The following PRPF6 variants were observed in gnomAD, a reference collection of about 807,000 sequenced individuals.
PRPF6 encodes the protein pre-mRNA processing factor 6.
PRPF6 carries 42 observed loss-of-function variants against 118.3 expected under a neutral mutation model. That is an observed-to-expected ratio of 0.35 (90% CI 0.28 to 0.46). The LOEUF is 0.46. Ranked by LOEUF, PRPF6 falls within the 20% of genes least tolerant of loss-of-function variation. The pLI is 1.00. For synonymous variants in PRPF6, 481 were observed against 485.1 expected, an observed-to-expected ratio of 0.99 and a Z score of 0.11; for missense variants, 662 against 1,255.7, an observed-to-expected ratio of 0.53 and a Z score of 7.15.
intron 3 of PRPF6, among the ~76,000 whole-genome samples, chr20:63,987,186 A>T (rs1014279837): frequency 6.9e-6 from 1 of 145,230 alleles, no homozygotes; most frequent in African/African-American, 2.5e-5. Context: ...AAAAAAAAAA[A>T]AAAGGGGGGG....
chr20:63,999,167 G>A (rs2059154499), intron 7 of PRPF6, 28 bp downstream of exon 7: 1 of 1,592,184 alleles, frequency 6.3e-7, no homozygotes, highest in African/African-American at 1.3e-5. Context: ...TCGCTGGGCT[G>A]GGATGGAGAC....
At chr20:64,005,459 G>A (rs1465337782) in intron 9 of PRPF6, among the ~76,000 whole-genome samples, 2 of 152,134 alleles carry the variant, frequency 1.3e-5, no homozygotes, top group African/African-American at 2.4e-5. Flanking sequence ...CAACTGGGTC[G>A]TTCTGTGTCT....
intron 8 of PRPF6, among the ~76,000 whole-genome samples, chr20:64,000,229 C>G (rs922993163): frequency 3.9e-5 from 6 of 152,172 alleles, no homozygotes; most frequent in African/African-American, 1.4e-4. Flanking sequence ...TGGCTCACGC[C>G]TGTAATCCCA....
chr20:64,008,943 T>A lies in PRPF6; in HGVS notation c.1187-1257T>A, dbSNP rs80107079. ...AAGTCTCTTCTAGTTTGCTCTTGAA[T>A]TTTTTTTAAGTTTTAGGTATTTTTA... On this transcript the variant is annotated intron_variant, in intron 9 of 20. Transcript: ENST00000266079. Among the ~76,000 whole-genome samples, 4 of 152,116 alleles carry A rather than the reference T, an allele frequency of 2.6e-5. No homozygotes were observed. The South Asian group carries it at 8.3e-4, about 31-fold the overall frequency.
At chr20:64,024,788 G>A (rs2059280875) in intron 14 of PRPF6, 95 bp downstream of exon 14, 10 of 1,519,676 alleles carry the variant, frequency 6.6e-6, no homozygotes, top group Non-Finnish European at 8.0e-6. Flanking sequence ...ATACAATGTG[G>A]CACGTGCTGT....
chr20:64,005,709 G>C (rs2059187207), intron 9 of PRPF6, among the ~76,000 whole-genome samples: 1 of 151,988 alleles, frequency 6.6e-6, no homozygotes, highest in South Asian at 2.1e-4. Context: ...TTGAGTAGCT[G>C]GGACCATAGG....
At chr20:64,010,084 C>A in intron 9 of PRPF6, 116 bp from the exon 10 acceptor site, 1 of 882,880 alleles carries the variant, frequency 1.1e-6, no homozygotes, top group Non-Finnish European at 1.9e-6. Flanking sequence ...GGTGTGTGGT[C>A]CCTGACTGTC....
At chr20:63,989,579 T>TA (rs2059109702) in intron 3 of PRPF6, among the ~76,000 whole-genome samples, 1 of 152,060 alleles carries the variant, frequency 6.6e-6, no homozygotes, top group Non-Finnish European at 1.5e-5. Flanking sequence ...TGCTTTTTTT[T>TA]ATCTTGGCTC....
rs2123019307 is a variant in PRPF6, at chr20:63,999,099, G to T, written c.826G>T (p.Asp276Tyr). 6.2e-7 allele frequency: 1 copy of T among 1,613,958 alleles called. No homozygotes were observed. The highest frequency in any genetic ancestry group is 8.5e-7 in the Non-Finnish European group (1 of 1,179,942). Residue 276 changes from aspartate to tyrosine, a missense_variant, in exon 7 of 21, where the codon GAT becomes TAT. By Grantham distance (160) the Asp-to-Tyr change is radical. Transcript: ENST00000266079. ...TVVDPKGYLT[D>Y]LNSMIPTHGG... is the part of the protein sequence containing the mutation. ...CGTTGACCCCAAAGGCTACCTGACG[G>T]ATTTAAATTCCATGATCCCGACACA... is the stretch of plus-strand genomic sequence containing the variant.
chr20:63,999,534 C>T (rs2059156720), intron 7 of PRPF6, 69 bp from the exon 8 acceptor site: 1 of 1,588,104 alleles, frequency 6.3e-7, no homozygotes, highest in Non-Finnish European at 8.6e-7. Flanking sequence ...AAGTGGGTGC[C>T]CTCATCCCAG....
chr20:64,019,254 C>T (rs1166051113), intron 12 of PRPF6, among the ~76,000 whole-genome samples: 1 of 151,762 alleles, frequency 6.6e-6, no homozygotes, highest in Admixed American at 6.6e-5. Context: ...CTACAGGTGC[C>T]TGCCACCACA....
At chr20:64,016,395 A>T (rs1275272342) in intron 11 of PRPF6, among the ~76,000 whole-genome samples, 1 of 152,140 alleles carries the variant, frequency 6.6e-6, no homozygotes, top group Non-Finnish European at 1.5e-5. Context: ...AAGTGCTGGG[A>T]TTACAGGTGT....
At chr20:64,022,602 C>G (rs2059271559) in intron 12 of PRPF6, among the ~76,000 whole-genome samples, 155 bp from the exon 13 acceptor site, 1 of 152,266 alleles carries the variant, frequency 6.6e-6, no homozygotes, top group Non-Finnish European at 1.5e-5. Context: ...GCCACCGCAC[C>G]TGGCCTGGAT....
Position 63,999,658 on chromosome 20 carries a change from C to T in PRPF6, c.922C>T (p.His308Tyr), listed in dbSNP as rs776561495. ...LKSVRETNPH[H>Y]PPAWIASARL... ...GTCTGTTCGGGAGACGAACCCTCATCACCCGCCAGCCTGGATTGCATCAGC... is the reference window on the plus strand; with the variant it reads ...GTCTGTTCGGGAGACGAACCCTCATTACCCGCCAGCCTGGATTGCATCAGC... The change falls in exon 8 of 21, where the codon CAC becomes TAC. Residue 308 changes from histidine (H) to tyrosine (Y), a missense_variant. By Grantham distance (83) the His-to-Tyr change is moderately conservative. Around this residue, in one of 10 missense-constraint regions of PRPF6, gnomAD observed 71 missense variants for 166.4 expected, o/e 0.43. Coordinates refer to ENST00000266079, the MANE Select transcript of PRPF6 (RefSeq NM_012469.4). 6.2e-7 allele frequency: 1 copy of T among 1,614,102 alleles called. No homozygotes were observed. The highest frequency in any genetic ancestry group is 8.5e-7 in the Non-Finnish European group (1 of 1,180,056).
intron 11 of PRPF6, among the ~76,000 whole-genome samples, chr20:64,014,418 G>T (rs993882258): frequency 1.3e-5 from 2 of 152,146 alleles, no homozygotes; most frequent in East Asian, 3.9e-4. Flanking sequence ...ACATTGCGGG[G>T]CTGAGGCGGG....
Position 64,026,076 on chromosome 20 carries a change from G to T in PRPF6, c.2028+18G>T, listed in dbSNP as rs1260524381. On this transcript the variant is annotated intron_variant, in intron 15 of 20. Coordinates refer to ENST00000266079, the MANE Select transcript of PRPF6 (RefSeq NM_012469.4). This position sits in a 1 kb window ranked among gnomAD's most constrained non-coding sequence, Gnocchi z 4.4. ...CCGCCCGGGTACGCAGTGGCAGGCA[G>T]GGCTGGGCCGTCTGGGGTGCATGGT... 6.2e-7 allele frequency: 1 copy of T among 1,600,306 alleles called. No homozygotes were observed. The highest frequency in any genetic ancestry group is 1.7e-5 in the Admixed American group (1 of 59,978).
chr20:63,991,632 A>G (rs1371607319), intron 3 of PRPF6, among the ~76,000 whole-genome samples: 4 of 152,056 alleles, frequency 2.6e-5, no homozygotes, highest in Non-Finnish European at 5.9e-5. Context: ...TCTACTAACA[A>G]TACAAAAATT....
At chr20:64,000,339 G>A (rs2059160755) in intron 8 of PRPF6, among the ~76,000 whole-genome samples, 2 of 151,182 alleles carry the variant, frequency 1.3e-5, no homozygotes, top group South Asian at 4.2e-4. Flanking sequence ...AAATATGAAA[G>A]TTAGCCAGGC....
intron 9 of PRPF6, among the ~76,000 whole-genome samples, chr20:64,002,946 ATT>A (rs1226018197): frequency 1.8e-4 from 23 of 129,712 alleles, no homozygotes; most frequent in Non-Finnish European, 1.8e-4. Flanking sequence ...GCCCGGCCAG[ATT>A]TTTTTTTTTT....
Sources: allele counts gnomAD v4.1 joint callset (sites outside exome capture counted in the v4.1 genomes callset), GRCh38; gene constraint gnomAD v4.1.1; regional missense constraint gnomAD v4.1.1; non-coding constraint Gnocchi (gnomAD v3.1); transcripts MANE v1.5; gene names NCBI Gene and HGNC (gene_info 2026-07-23, HGNC 2026-07-21).